DMD: variants seen among roughly 807,000 people sequenced by gnomAD.
DMD encodes the protein mutant dystrophin.
A neutral mutation model predicts 330.1 loss-of-function variants in DMD; 63 were observed. That is an observed-to-expected ratio of 0.19 (90% CI 0.16 to 0.24). The LOEUF is 0.24. Ranked by LOEUF, DMD falls within the 10% of genes least tolerant of loss-of-function variation. The pLI is 1.00. For synonymous variants in DMD, 1,223 were observed against 959.8 expected, an observed-to-expected ratio of 1.27 and a Z score of -5.07; for missense variants, 3,344 against 2,684.1, an observed-to-expected ratio of 1.25 and a Z score of -5.43.
rs55674554 is a variant in DMD at position 31,187,717 on chromosome X, C to CAG, written c.9808-4815_9808-4814dup. Among the ~76,000 whole-genome samples the CAG allele has an allele frequency of 1.3e-3, 90 of 66,823 alleles. 1 individual carries two copies. Among genetic ancestry groups the CAG allele is most frequent in the East Asian group, 6.2e-3 (12 of 1,943 alleles). 58.0% of individuals were successfully genotyped at this position (66,823 alleles called of 115,157 possible). A position where few individuals can be genotyped will look rare whatever the true frequency, so the allele number is the denominator to read the frequency against. On this transcript the variant is annotated intron_variant, in intron 67 of 78. Transcript: ENST00000357033. The stretch of plus-strand genomic sequence containing the variant: ...CAGCTCTGGAATCTTCCCAGATTCT[C>CAG]AGAGAGAGAGAGAGAGAGAGAGAGA...
At chrX:32,927,475 T>G (rs897081759) in intron 2 of DMD, among the ~76,000 whole-genome samples, 3 of 107,263 alleles carry the variant, frequency 2.8e-5, no homozygotes, top group African/African-American at 1.0e-4. Context: ...GGAGATGATG[T>G]TTCTCCATGT....
chrX:32,290,548 G>A (rs752897673), intron 42 of DMD, among the ~76,000 whole-genome samples: 2 of 111,601 alleles, frequency 1.8e-5, no homozygotes, highest in African/African-American at 6.5e-5. Flanking sequence ...TGGGTTATAC[G>A]GGAAGAAAGA....
intron 1 of DMD, among the ~76,000 whole-genome samples, chrX:33,192,047 C>G (rs2050679317): frequency 8.9e-6 from 1 of 111,869 alleles, no homozygotes; most frequent in Non-Finnish European, 1.9e-5. Flanking sequence ...TAAAGAAAAA[C>G]AGGCAAAATA....
intron 1 of DMD, among the ~76,000 whole-genome samples, chrX:33,041,982 TAAG>T (rs1201167324): frequency 2.7e-5 from 3 of 111,315 alleles, no homozygotes; most frequent in African/African-American, 9.8e-5. Flanking sequence ...ATCATATAGA[TAAG>T]AAAATGCTAC....
chrX:31,272,319 T>C (rs902510279), intron 62 of DMD, among the ~76,000 whole-genome samples: 1 of 112,203 alleles, frequency 8.9e-6, no homozygotes, highest in Non-Finnish European at 1.9e-5. Flanking sequence ...GGAGTACCTA[T>C]TAGCCTGCCA....
At chrX:32,224,211 A>C (rs2097140468) in intron 43 of DMD, among the ~76,000 whole-genome samples, 1 of 111,554 alleles carries the variant, frequency 9.0e-6, no homozygotes, top group Admixed American at 9.6e-5. Flanking sequence ...TTATTAATAT[A>C]CAAGGTAGTC....
intron 50 of DMD, among the ~76,000 whole-genome samples, chrX:31,814,729 T>G (rs745810621): frequency 2.7e-5 from 3 of 111,546 alleles, no homozygotes; most frequent in Non-Finnish European, 5.6e-5. Flanking sequence ...AGGATTCACA[T>G]TGACATTTAC....
chrX:33,101,030 C>T (rs1163518700), intron 1 of DMD, among the ~76,000 whole-genome samples: 2 of 111,812 alleles, frequency 1.8e-5, no homozygotes, highest in African/African-American at 6.5e-5. Context: ...AAGTGTGGGA[C>T]CAGAAGAGCA....
intron 12 of DMD, among the ~76,000 whole-genome samples, chrX:32,606,761 A>G (rs1371731949): frequency 9.5e-6 from 1 of 104,961 alleles, no homozygotes; most frequent in East Asian, 3.0e-4. Flanking sequence ...ACATACATAT[A>G]TATACACACA....
intron 55 of DMD, among the ~76,000 whole-genome samples, chrX:31,564,558 A>G (rs2075369959): frequency 8.9e-6 from 1 of 112,112 alleles, no homozygotes; most frequent in African/African-American, 3.2e-5. Context: ...TTTATTTTAT[A>G]CCTTTTTGTA....
chrX:31,997,428 G>GGT (rs2095595495), intron 44 of DMD, among the ~76,000 whole-genome samples: 1 of 98,960 alleles, frequency 1.0e-5, no homozygotes, highest in Non-Finnish European at 2.1e-5. Flanking sequence ...ATTTTTTTTT[G>GGT]TTTTTTGTTT....
chrX:32,862,609 C>CT (rs34186114), intron 2 of DMD, among the ~76,000 whole-genome samples: 1 of 110,216 alleles, frequency 9.1e-6, no homozygotes, highest in Non-Finnish European at 1.9e-5. Flanking sequence ...ATGGTAAATG[C>CT]TTTATCTTAT....
intron 2 of DMD, among the ~76,000 whole-genome samples, chrX:32,994,503 C>T (rs1602482330): frequency 9.0e-6 from 1 of 111,548 alleles, no homozygotes; most frequent in African/African-American, 3.3e-5. Context: ...TATCTCAGTA[C>T]GTTGCTTTAA....
intron 11 of DMD, among the ~76,000 whole-genome samples, chrX:32,620,016 C>T (rs2057874927): frequency 9.0e-6 from 1 of 111,601 alleles, no homozygotes; most frequent in Non-Finnish European, 1.9e-5. Flanking sequence ...GCCAGTGCCT[C>T]CCATTGGCTG....
intron 44 of DMD, among the ~76,000 whole-genome samples, chrX:32,104,150 C>T (rs1368430972): frequency 1.8e-5 from 2 of 111,434 alleles, no homozygotes; most frequent in Non-Finnish European, 3.8e-5. Context: ...CCTTGGGCTA[C>T]TGCAACTCTG....
chrX:32,472,382 A>G, intron 21 of DMD, 73 bp from the exon 22 acceptor site: 1 of 1,032,482 alleles, frequency 9.7e-7, no homozygotes, highest in Non-Finnish European at 1.3e-6. Context: ...CTAAATTGTC[A>G]GCAAACTCAA....
chrX:33,295,193 CTTAA>C (rs1356622474), intron 1 of DMD, among the ~76,000 whole-genome samples: 2 of 111,186 alleles, frequency 1.8e-5, no homozygotes, highest in Non-Finnish European at 3.8e-5. Context: ...CTCATCACTT[CTTAA>C]TTATTTTACT....
intron 50 of DMD, among the ~76,000 whole-genome samples, chrX:31,814,751 C>T (rs146653622): frequency 4.6e-4 from 51 of 111,845 alleles, no homozygotes; most frequent in African/African-American, 1.6e-3. Flanking sequence ...ACCAGATTTG[C>T]TGGCTCTTTG....
intron 9 of DMD, among the ~76,000 whole-genome samples, chrX:32,675,943 C>A (rs2061939098): frequency 9.0e-6 from 1 of 111,488 alleles, no homozygotes; most frequent in Non-Finnish European, 1.9e-5. Flanking sequence ...GGTTCATTAT[C>A]TAAGATCAAC....
Sources: allele counts gnomAD v4.1 joint callset (sites outside exome capture counted in the v4.1 genomes callset), GRCh38; gene constraint gnomAD v4.1.1; transcripts MANE v1.5; gene names NCBI Gene and HGNC (gene_info 2026-07-23, HGNC 2026-07-21).